The following PLPP4 variants were observed in gnomAD, a reference collection of about 807,000 sequenced individuals.
The protein encoded by PLPP4 is phospholipid phosphatase 4.
In PLPP4, 20 loss-of-function variants were observed where a neutral mutation model predicts 32.2. That is an observed-to-expected ratio of 0.62 (90% CI 0.44 to 0.90). The LOEUF is 0.90. PLPP4 is among the 40% of genes least tolerant of loss of function. PLPP4 has a pLI of 0.00. For missense variants in PLPP4, 257 were observed against 353.1 expected (o/e 0.73, Z 2.18); for synonymous variants, 127 against 133.0 (o/e 0.95, Z 0.31).
At chr10:120,537,698 C>G (rs1343344077) in intron 5 of PLPP4, among the ~76,000 whole-genome samples, 2 of 152,090 alleles carry the variant, frequency 1.3e-5, no homozygotes, top group African/African-American at 2.4e-5. Flanking sequence ...CACCCCTCCC[C>G]CAAAGGTAAC....
At chr10:120,567,925 G>A (rs1002381544) in intron 5 of PLPP4, among the ~76,000 whole-genome samples, 5 of 152,202 alleles carry the variant, frequency 3.3e-5, no homozygotes, top group African/African-American at 9.7e-5. Flanking sequence ...AGCTTCCTTT[G>A]TGGTGTGTGA....
chr10:120,517,550 G>A (rs909205951), intron 3 of PLPP4, among the ~76,000 whole-genome samples: 1 of 152,158 alleles, frequency 6.6e-6, no homozygotes, highest in Non-Finnish European at 1.5e-5. Context: ...TGGCAGTGCT[G>A]TGCGGCTGAT....
intron 5 of PLPP4, among the ~76,000 whole-genome samples, chr10:120,537,370 G>C (rs1333625264): frequency 6.6e-6 from 1 of 152,140 alleles, no homozygotes; most frequent in Non-Finnish European, 1.5e-5. Context: ...AAAAGAAAAG[G>C]AAATTCTTCT....
intron 1 of PLPP4, among the ~76,000 whole-genome samples, chr10:120,458,216 C>A (rs919660578): frequency 6.6e-6 from 1 of 152,196 alleles, no homozygotes; most frequent in African/African-American, 2.4e-5. Context: ...AGCCACCCCG[C>A]AGCCTCCCGT....
intron 5 of PLPP4, among the ~76,000 whole-genome samples, chr10:120,540,122 A>G (rs1200450715): frequency 1.3e-5 from 2 of 152,024 alleles, no homozygotes; most frequent in African/African-American, 2.4e-5. Context: ...ATTATTTTCT[A>G]TCAAAACTAT....
rs1036376547 is a variant in PLPP4, at chr10:120,545,069, T to C, written c.445+23974T>C. Among the ~76,000 whole-genome samples, 14 of 152,352 alleles carry C rather than the reference T, an allele frequency of 9.2e-5. 1 individual carries two copies. The highest frequency in any genetic ancestry group is 9.1e-4 in the Admixed American group (14 of 15,310). On this transcript the variant is annotated intron_variant, in intron 5 of 6. Transcript: ENST00000398250. ...ATTGCTGATCAGAGTTCTGGCACCA[T>C]CTGTAGGTCTCTGAAGGTGAGGATC...
chr10:120,533,836 A>G (rs929389639), intron 5 of PLPP4, among the ~76,000 whole-genome samples: 1 of 152,086 alleles, frequency 6.6e-6, no homozygotes, highest in Admixed American at 6.6e-5. Flanking sequence ...TGTGGATTCG[A>G]GTTACCATCT....
intron 6 of PLPP4, among the ~76,000 whole-genome samples, chr10:120,580,678 C>CACACACACACACACACACACAA (rs1554899936): frequency 3.0e-4 from 41 of 137,988 alleles, no homozygotes; most frequent in East Asian, 8.3e-4. Context: ...CACACACACA[C>CACACACACACACACACACACAA]ACGGCTGAGG....
At position 120,563,925 on chromosome 10, in the gene PLPP4, G is replaced by A. The variant is rs530768083; in HGVS notation, c.446-11206G>A. On this transcript the variant is annotated intron_variant, in intron 5 of 6. Transcript: ENST00000398250. ...TTAGTCATTTCAATTTATTTCATTG[G>A]TCTTTTCAAAGAACTGGTATTTTTG... is the stretch of plus-strand genomic sequence containing the variant. Among the ~76,000 whole-genome samples the A allele has an allele frequency of 2.7e-5, 4 of 147,926 alleles. No individual in the cohort carries two copies. In the South Asian group the frequency reaches 8.6e-4, roughly 32 times the overall value.
intron 1 of PLPP4, among the ~76,000 whole-genome samples, chr10:120,463,722 G>C (rs1007898376): frequency 6.6e-6 from 1 of 152,298 alleles, no homozygotes; most frequent in Admixed American, 6.5e-5. Flanking sequence ...GTCTCTCTCT[G>C]TTGCCCAGGC....
rs1849977868 is a variant in PLPP4 at position 120,591,067 on chromosome 10, C to T, written c.*1565C>T. 2.0e-5 allele frequency among the ~76,000 whole-genome samples: 3 copies of T among 152,134 alleles called. No homozygotes were observed. The highest frequency in any genetic ancestry group is 4.1e-4 in the South Asian group (2 of 4,826). Reference sequence around the variant, plus strand: ...TATAAGCGTGAGCCACTGCACCTGGCCAAGAGTGTTGCTTTTGGGCAGTTA... The same window carrying T: ...TATAAGCGTGAGCCACTGCACCTGGTCAAGAGTGTTGCTTTTGGGCAGTTA... On this transcript the variant is annotated 3_prime_UTR_variant, in exon 7 of 7. Transcript: ENST00000398250.
rs368892323 is a variant in PLPP4 at position 120,546,106 on chromosome 10, C to A, written c.445+25011C>A. The stretch of plus-strand genomic sequence containing the variant: ...GACTGAAGGCTGCACTGTGGGCTTC[C>A]CTATTTTTGAGGTTTTGGGACTTGG... On this transcript the variant is annotated intron_variant, in intron 5 of 6. Coordinates refer to ENST00000398250, the MANE Select transcript of PLPP4 (RefSeq NM_001030059.3). 1.1e-3 allele frequency among the ~76,000 whole-genome samples: 163 copies of A among 152,240 alleles called. 7 individuals are homozygous for A. In the South Asian group the frequency reaches 0.032, roughly 29 times the overall value.
intron 1 of PLPP4, among the ~76,000 whole-genome samples, chr10:120,496,505 G>A (rs12261516): frequency 0.16 from 24,696 of 152,094 alleles, 2,403 homozygotes; most frequent in Non-Finnish European, 0.21. Context: ...CAACTACTGG[G>A]GCACTCCAAT....
chr10:120,493,236 T>C (rs1230081567), intron 1 of PLPP4, among the ~76,000 whole-genome samples: 1 of 152,198 alleles, frequency 6.6e-6, no homozygotes, highest in East Asian at 1.9e-4. Flanking sequence ...ACATTTAGCT[T>C]TATTCTAACT....
intron 5 of PLPP4, among the ~76,000 whole-genome samples, chr10:120,573,169 G>A (rs961040759): frequency 2.6e-5 from 4 of 152,212 alleles, no homozygotes; most frequent in African/African-American, 9.6e-5. Context: ...TTTACACACT[G>A]TGAGGAGGGG....
intron 5 of PLPP4, among the ~76,000 whole-genome samples, chr10:120,549,519 C>G (rs12770044): frequency 0.052 from 7,969 of 151,800 alleles, 293 homozygotes; most frequent in Middle Eastern, 0.14. Context: ...TAAGGCTATA[C>G]AGATAAGGTA....
intron 5 of PLPP4, among the ~76,000 whole-genome samples, chr10:120,532,069 C>T (rs1007506285): frequency 5.3e-5 from 8 of 152,070 alleles, no homozygotes; most frequent in Non-Finnish European, 8.8e-5. Flanking sequence ...CTAGCCCCTA[C>T]GCCCCCAACA....
chr10:120,459,432 C>T (rs911841173), intron 1 of PLPP4, among the ~76,000 whole-genome samples: 10 of 152,304 alleles, frequency 6.6e-5, no homozygotes, highest in Non-Finnish European at 1.5e-4. Context: ...TCTGGGAGGA[C>T]GGCTGGGAGC....
chr10:120,464,858 C>T (rs1164486070), intron 1 of PLPP4, among the ~76,000 whole-genome samples: 1 of 152,112 alleles, frequency 6.6e-6, no homozygotes, highest in East Asian at 1.9e-4. Flanking sequence ...CAATGGGGCC[C>T]GAGTGTTTCT....
Sources: allele counts gnomAD v4.1 joint callset (sites outside exome capture counted in the v4.1 genomes callset), GRCh38; gene constraint gnomAD v4.1.1; transcripts MANE v1.5; gene names NCBI Gene and HGNC (gene_info 2026-07-23, HGNC 2026-07-21).